C13orf42: variants seen among roughly 807,000 people sequenced by gnomAD.
The protein encoded by C13orf42 is chromosome 13 open reading frame 42.
At chr13:51,122,553 GAAA>G (rs1953545028) in intron 1 of C13orf42, among the ~76,000 whole-genome samples, 1 of 147,592 alleles carries the variant, frequency 6.8e-6, no homozygotes, top group African/African-American at 2.5e-5. Flanking sequence ...AAAAAAAAAA[GAAA>G]GAAAAAAAGG....
chr13:51,163,008 C>G (rs1340079165), intron 1 of C13orf42, among the ~76,000 whole-genome samples: 1 of 152,166 alleles, frequency 6.6e-6, no homozygotes, highest in Admixed American at 6.5e-5. Context: ...TTAAGCAAGG[C>G]TACTCCTTCA....
At position 51,108,801 on chromosome 13, in the gene C13orf42, C is replaced by T. The variant is rs77876068; in HGVS notation, c.414+1995G>A. Among the ~76,000 whole-genome samples the T allele has an allele frequency of 6.2e-4, 94 of 152,334 alleles. 2 individuals are homozygous for T. The East Asian group carries it at 0.015, about 24-fold the overall frequency. ...GATTGACTTCAGTGTCCTTTCAAAA[C>T]TCTTTCCTGATTGCGCTGTGGTGAG... On this transcript the variant is annotated intron_variant, in intron 1 of 3. Transcript: ENST00000563710.
At chr13:51,139,034 C>G (rs528806014) in intron 1 of C13orf42, among the ~76,000 whole-genome samples, 2 of 152,090 alleles carry the variant, frequency 1.3e-5, no homozygotes. Flanking sequence ...AGTCAAACTC[C>G]GGCCGGGTGC....
intron 1 of C13orf42, among the ~76,000 whole-genome samples, chr13:51,155,698 G>A (rs1452652538): frequency 1.3e-5 from 2 of 152,158 alleles, no homozygotes; most frequent in African/African-American, 2.4e-5. Context: ...GATGGAAAAC[G>A]GCTACCGCAT....
At chr13:51,127,200 C>A (rs1454043619) in intron 1 of C13orf42, among the ~76,000 whole-genome samples, 1 of 151,862 alleles carries the variant, frequency 6.6e-6, no homozygotes, top group Non-Finnish European at 1.5e-5. Flanking sequence ...CGAGACAAGG[C>A]GGAAGAAATG....
At chr13:51,161,710 T>C (rs1274813933) in intron 1 of C13orf42, 1 of 217,860 alleles carries the variant, frequency 4.6e-6, no homozygotes, top group Non-Finnish European at 9.2e-6. Flanking sequence ...CATTAGGTAA[T>C]GCACGTTGCA....
rs184247750 is a variant in C13orf42, at chr13:51,121,543, T to C, written n.137-8321A>G. 6.3e-4 allele frequency among the ~76,000 whole-genome samples: 95 copies of C among 150,996 alleles called. 1 individual carries two copies. Among genetic ancestry groups the C allele is most frequent in the African/African-American group, 2.1e-3 (88 of 41,112 alleles). On this transcript the variant is annotated intron_variant and non_coding_transcript_variant, in intron 1 of 4. Transcript: ENST00000433280. ...TCTAGCCTGAAAAAAATTTTCTTTTTTTTTTTTTTTGAGACAGAGTCTCAC... is the reference window on the plus strand; with the variant it reads ...TCTAGCCTGAAAAAAATTTTCTTTTCTTTTTTTTTTGAGACAGAGTCTCAC...
chr13:51,140,510 C>G lies in C13orf42; in HGVS notation n.137-27288G>C, dbSNP rs923719942. On this transcript the variant is annotated intron_variant and non_coding_transcript_variant, in intron 1 of 4. Transcript: ENST00000433280. Reference sequence around the variant, plus strand: ...ATGCCCCTGACCTTTGACAAATCTCCTATCAATGCTTGGTACCAGCATGAG... The same window carrying G: ...ATGCCCCTGACCTTTGACAAATCTCGTATCAATGCTTGGTACCAGCATGAG... Among the ~76,000 whole-genome samples, 4 of 152,268 alleles carry G rather than the reference C, an allele frequency of 2.6e-5. No homozygotes were observed. The South Asian group carries it at 8.3e-4, about 32-fold the overall frequency.
At chr13:51,134,726 AT>A (rs1364843474) in intron 1 of C13orf42, among the ~76,000 whole-genome samples, 1 of 152,108 alleles carries the variant, frequency 6.6e-6, no homozygotes, top group Admixed American at 6.5e-5. Context: ...TGCTTAGGGT[AT>A]TTGCCTCCCT....
At chr13:51,151,792 G>A (rs1352579451) in intron 1 of C13orf42, among the ~76,000 whole-genome samples, 3 of 152,254 alleles carry the variant, frequency 2.0e-5, no homozygotes, top group African/African-American at 7.2e-5. Flanking sequence ...GAGCAGAGGA[G>A]ACATTTCAGC....
At chr13:51,108,988 G>T (rs1307721589) in intron 1 of C13orf42, among the ~76,000 whole-genome samples, 1 of 152,174 alleles carries the variant, frequency 6.6e-6, no homozygotes, top group African/African-American at 2.4e-5. Flanking sequence ...CATTTGCAGA[G>T]AAATGTAGTA....
chr13:51,142,809 A>C (rs1334783688), intron 1 of C13orf42, among the ~76,000 whole-genome samples: 2 of 152,088 alleles, frequency 1.3e-5, no homozygotes, highest in Non-Finnish European at 2.9e-5. Flanking sequence ...TATATAAGAA[A>C]GAATCTTCTA....
intron 1 of C13orf42, among the ~76,000 whole-genome samples, chr13:51,146,801 A>G (rs1953739531): frequency 6.6e-6 from 1 of 152,248 alleles, no homozygotes; most frequent in Non-Finnish European, 1.5e-5. Context: ...TGCCCTAAGC[A>G]GTTCCCAGCT....
At chr13:51,141,945 C>A (rs1379974246) in intron 1 of C13orf42, among the ~76,000 whole-genome samples, 4 of 152,102 alleles carry the variant, frequency 2.6e-5, no homozygotes, top group Non-Finnish European at 4.4e-5. Context: ...TAAGAATTGC[C>A]AGCATACATT....
At chr13:51,159,199 T>C (rs1426256684) in intron 1 of C13orf42, among the ~76,000 whole-genome samples, 6 of 152,198 alleles carry the variant, frequency 3.9e-5, no homozygotes, top group Non-Finnish European at 8.8e-5. Flanking sequence ...TGCAGACTCT[T>C]AGGCAAGTCA....
intron 1 of C13orf42, among the ~76,000 whole-genome samples, chr13:51,094,116 G>T (rs922958372): frequency 6.6e-6 from 1 of 152,104 alleles, no homozygotes; most frequent in Non-Finnish European, 1.5e-5. Context: ...CACAATCCTG[G>T]TATCTTTGAG....
At chr13:51,116,466 A>T (rs1343091193) in intron 1 of C13orf42, among the ~76,000 whole-genome samples, 1 of 152,232 alleles carries the variant, frequency 6.6e-6, no homozygotes, top group African/African-American at 2.4e-5. Flanking sequence ...ATTTAGAAAA[A>T]GTGCTCTCTC....
At chr13:51,089,342 T>C (rs1953159861) in intron 1 of C13orf42, among the ~76,000 whole-genome samples, 1 of 152,136 alleles carries the variant, frequency 6.6e-6, no homozygotes, top group Non-Finnish European at 1.5e-5. Context: ...ATATACACCT[T>C]GATATGATTT....
At chr13:51,153,377 C>T (rs923800752) in intron 1 of C13orf42, among the ~76,000 whole-genome samples, 4 of 152,138 alleles carry the variant, frequency 2.6e-5, no homozygotes, top group Admixed American at 6.5e-5. Flanking sequence ...TAAGTGTCTG[C>T]ACTCACCCAA....
Sources: allele counts gnomAD v4.1 joint callset (sites outside exome capture counted in the v4.1 genomes callset), GRCh38; gene constraint gnomAD v4.1.1; transcripts MANE v1.5; gene names NCBI Gene and HGNC (gene_info 2026-07-23, HGNC 2026-07-21).